Variants in SENP5 observed in about 807,000 individuals in gnomAD.
SENP5 encodes SUMO specific peptidase 5, also known as sentrin-specific protease 5.
In SENP5, 21 loss-of-function variants were observed where a neutral mutation model predicts 74.2. The observed-to-expected ratio is 0.28, with a 90% CI of 0.20 to 0.41. SENP5 has a LOEUF of 0.41. Ranked by LOEUF, SENP5 falls within the 10% of genes least tolerant of loss-of-function variation. SENP5 has a pLI of 1.00. For missense variants in SENP5, 717 were observed against 889.1 expected, an observed-to-expected ratio of 0.81 and a Z score of 2.46; for synonymous variants, 311 against 312.7, an observed-to-expected ratio of 0.99 and a Z score of 0.06.
At chr3:196,919,950 A>G (rs1424299942) in intron 6 of SENP5, among the ~76,000 whole-genome samples, 1 of 152,038 alleles carries the variant, frequency 6.6e-6, no homozygotes, top group Non-Finnish European at 1.5e-5. Context: ...CCTATTTTTT[A>G]TGTTAACACT....
chr3:196,906,225 AG>A (rs1030076733), intron 6 of SENP5, among the ~76,000 whole-genome samples: 6 of 151,518 alleles, frequency 4.0e-5, no homozygotes, highest in African/African-American at 1.5e-4. Context: ...CTAAAAAAAA[AG>A]AAAAAAAGAC....
At chr3:196,908,758 G>A (rs556074904) in intron 6 of SENP5, among the ~76,000 whole-genome samples, 10 of 152,220 alleles carry the variant, frequency 6.6e-5, no homozygotes, top group Non-Finnish European at 1.0e-4. Flanking sequence ...GGGAGGTGGA[G>A]GTTGTGGTGA....
intron 2 of SENP5, among the ~76,000 whole-genome samples, chr3:196,893,398 T>G (rs752657434): frequency 3.5e-4 from 54 of 152,228 alleles, no homozygotes; most frequent in Middle Eastern, 3.4e-3. Context: ...ATTTAAAAAT[T>G]TAGATATGCA....
chr3:196,875,544 C>A (rs1484814223), intron 1 of SENP5, among the ~76,000 whole-genome samples: 1 of 152,038 alleles, frequency 6.6e-6, no homozygotes, highest in Non-Finnish European at 1.5e-5. Flanking sequence ...CTAAGTGTTA[C>A]TGAAGTTCTT....
chr3:196,907,907 A>C (rs548859883), intron 6 of SENP5, among the ~76,000 whole-genome samples: 5 of 151,668 alleles, frequency 3.3e-5, no homozygotes, highest in Non-Finnish European at 7.4e-5. Flanking sequence ...AAAAAAAAAA[A>C]CCCAGGTTTA....
chr3:196,869,803 G>C (rs1713130220), intron 1 of SENP5, among the ~76,000 whole-genome samples: 1 of 143,674 alleles, frequency 7.0e-6, no homozygotes, highest in Non-Finnish European at 1.5e-5. Flanking sequence ...GATTACAGGA[G>C]TGAGTCACTG....
At chr3:196,888,591 A>AG (rs1560144901) in intron 2 of SENP5, among the ~76,000 whole-genome samples, 1 of 151,740 alleles carries the variant, frequency 6.6e-6, no homozygotes, top group Non-Finnish European at 1.5e-5. Context: ...CACAAAAAAA[A>AG]AAGAAAGAAA....
chr3:196,913,475 C>T (rs1290842831), intron 6 of SENP5: 1 of 148,268 alleles, frequency 6.7e-6, no homozygotes, highest in East Asian at 2.1e-4. Flanking sequence ...GAGGCTGAGG[C>T]AGAGAATTTC....
chr3:196,921,352 A>G (rs537932638), intron 6 of SENP5, among the ~76,000 whole-genome samples: 1 of 152,296 alleles, frequency 6.6e-6, no homozygotes, highest in South Asian at 2.1e-4. Context: ...CAGCACTCAA[A>G]AAGTTCCAGA....
intron 2 of SENP5, among the ~76,000 whole-genome samples, chr3:196,889,071 G>A (rs544876010): frequency 2.0e-5 from 3 of 151,094 alleles, no homozygotes; most frequent in Non-Finnish European, 4.4e-5. Flanking sequence ...AGCTGAGATC[G>A]TGCCACTGCA....
intron 6 of SENP5, among the ~76,000 whole-genome samples, chr3:196,922,258 T>C (rs993886297): frequency 6.6e-5 from 10 of 152,332 alleles, no homozygotes; most frequent in African/African-American, 2.4e-4. Flanking sequence ...TTTTATTAGT[T>C]GCGGAAATCA....
intron 6 of SENP5, among the ~76,000 whole-genome samples, chr3:196,920,348 GTTGT>G (rs1449702303): frequency 7.9e-5 from 12 of 152,066 alleles, no homozygotes; most frequent in Non-Finnish European, 1.6e-4. Flanking sequence ...TTATCTTCTA[GTTGT>G]TTGTATATAG....
Position 196,931,206 on chromosome 3 carries a change from G to T in SENP5, c.*283G>T. 1 of 253,856 alleles carries T rather than the reference G, an allele frequency of 3.9e-6. No homozygotes were observed. Among genetic ancestry groups the T allele is most frequent in the Non-Finnish European group, 7.5e-6 (1 of 132,756 alleles). 15.7% of individuals were successfully genotyped at this position (253,856 alleles called of 1,614,324 possible). ...GCATATAGACAGAGCATGCAGTGAA[G>T]AGTATTAAAAAAAAAAGCTTAGTAG... is the stretch of plus-strand genomic sequence containing the variant. On this transcript the variant is annotated 3_prime_UTR_variant, in exon 10 of 10. Coordinates refer to ENST00000323460, the MANE Select transcript of SENP5 (RefSeq NM_152699.5).
At chr3:196,903,652 G>A (rs776087895) in intron 6 of SENP5, 42 bp downstream of exon 6, 1 of 1,250,052 alleles carries the variant, frequency 8.0e-7, no homozygotes, top group East Asian at 2.3e-5. Context: ...TTGAAACGCA[G>A]ATGATAAACC....
At chr3:196,916,340 C>G (rs924217160) in intron 6 of SENP5, among the ~76,000 whole-genome samples, 1 of 151,082 alleles carries the variant, frequency 6.6e-6, no homozygotes, top group South Asian at 2.1e-4. Context: ...AACAAACAAA[C>G]AAAAAAAACA....
rs867836899 is a variant in SENP5 at position 196,893,918 on chromosome 3, A to T, written c.1514-5748A>T. Among the ~76,000 whole-genome samples the T allele has an allele frequency of 2.6e-5, 4 of 151,470 alleles. No homozygotes were observed. The South Asian group carries it at 8.3e-4, about 32-fold the overall frequency. ...GAGTGAGACTCTGTCTCAAAAAAAA[A>T]AAAAAAAAATTTAGTGTGTTTAAGA... On this transcript the variant is annotated intron_variant, in intron 2 of 9. Coordinates refer to ENST00000323460, the MANE Select transcript of SENP5 (RefSeq NM_152699.5).
At chr3:196,925,420 T>G (rs1235844697) in intron 7 of SENP5, among the ~76,000 whole-genome samples, 1 of 152,184 alleles carries the variant, frequency 6.6e-6, no homozygotes, top group African/African-American at 2.4e-5. Flanking sequence ...AACCAACATA[T>G]TCCCATACCT....
Position 196,885,293 on chromosome 3 carries a change from T to G in SENP5, c.112T>G (p.Cys38Gly). 1 of 1,614,172 alleles carries G rather than the reference T, an allele frequency of 6.2e-7. No individual in the cohort carries two copies. Among genetic ancestry groups the G allele is most frequent in the East Asian group, 2.2e-5 (1 of 44,884 alleles). The change falls in exon 2 of 10, where the codon TGC becomes GGC. Residue 38 changes from cysteine to glycine, a missense_variant. Cys to Gly is a radical substitution (Grantham distance 159). Transcript: ENST00000323460. ...GAAGTTTTATTTTCACCAACACTTG[T>G]GCATTCTGAAAGCTAAGCTGGGAAG... ...FKKFYFHQHL[C>G]ILKAKLGRPV...
intron 1 of SENP5, among the ~76,000 whole-genome samples, chr3:196,875,452 C>CAGA (rs1373030206): frequency 6.6e-6 from 1 of 152,156 alleles, no homozygotes; most frequent in Non-Finnish European, 1.5e-5. Flanking sequence ...CTTTGTCTTT[C>CAGA]AGTGGCTTCA....
Sources: gnomAD v4.1 joint callset for allele counts (sites outside exome capture counted in the v4.1 genomes callset) on GRCh38, gnomAD v4.1.1 for gene constraint, MANE v1.5 for transcripts, NCBI Gene and HGNC (gene_info 2026-07-23, HGNC 2026-07-21) for gene names.